RAB4B: variants seen among roughly 807,000 people sequenced by gnomAD.
The protein encoded by RAB4B is ras-related protein Rab-4B.
Under a neutral mutation model 28.3 loss-of-function variants are expected in RAB4B, and 15 were observed. That is an observed-to-expected ratio of 0.53 (90% CI 0.35 to 0.82). The LOEUF is 0.82. Ranked by LOEUF, RAB4B falls within the 40% of genes least tolerant of loss-of-function variation. The pLI, the probability that RAB4B is intolerant of heterozygous loss-of-function variation, is 0.01. For missense variants in RAB4B, 244 were observed against 288.5 expected (o/e 0.85, Z 1.12); for synonymous variants, 108 against 116.3 (o/e 0.93, Z 0.46).
chr19:40,781,657 T>C (rs1297340872), intron 3 of RAB4B, among the ~76,000 whole-genome samples: 1 of 150,352 alleles, frequency 6.7e-6, no homozygotes. Flanking sequence ...GAGAGAGAAA[T>C]GCGTAGGGCT....
intron 3 of RAB4B, among the ~76,000 whole-genome samples, chr19:40,782,454 G>T (rs1307318793): frequency 6.6e-6 from 1 of 152,174 alleles, no homozygotes; most frequent in South Asian, 2.1e-4. Context: ...AAATGCATGG[G>T]AAGGCAAAGG....
chr19:40,783,495 G>A (rs540276076), intron 3 of RAB4B, among the ~76,000 whole-genome samples: 3 of 152,194 alleles, frequency 2.0e-5, no homozygotes, highest in Admixed American at 6.5e-5. Flanking sequence ...AAAAACAGAC[G>A]AATGGAAAGA....
At chr19:40,782,976 A>G (rs1230579356) in intron 3 of RAB4B, among the ~76,000 whole-genome samples, 2 of 151,976 alleles carry the variant, frequency 1.3e-5, no homozygotes, top group African/African-American at 4.8e-5. Flanking sequence ...CATCTCTACT[A>G]AAAATACAAA....
intron 5 of RAB4B, among the ~76,000 whole-genome samples, chr19:40,784,661 G>A (rs1001691188): frequency 1.3e-5 from 2 of 152,150 alleles, no homozygotes; most frequent in African/African-American, 4.8e-5. Flanking sequence ...CTTAGCACCC[G>A]CCACAGAGTG....
Position 40,781,288 on chromosome 19 carries a change from GAATA to G in RAB4B, c.212+809_212+812del, listed in dbSNP as rs145590550. ...GGTGACAGAGCGAGACTCTGTCTCT[GAATA>G]AATAAATAAATAAATAAATGAATAA... On this transcript the variant is annotated intron_variant, in intron 3 of 7. Transcript: ENST00000357052. Among the ~76,000 whole-genome samples, 598 of 147,620 alleles carry G rather than the reference GAATA, an allele frequency of 4.1e-3. 2 individuals are homozygous for G. Among genetic ancestry groups the G allele is most frequent in the African/African-American group, 0.011 (430 of 39,600 alleles).
At chr19:40,784,231 C>A (rs984080357) in intron 5 of RAB4B, among the ~76,000 whole-genome samples, 156 bp downstream of exon 5, 1 of 152,142 alleles carries the variant, frequency 6.6e-6, no homozygotes, top group African/African-American at 2.4e-5. Context: ...GTGGCTCACA[C>A]CTGTAATCCC....
chr19:40,790,252 G>A (rs2145058427), intron 7 of RAB4B, among the ~76,000 whole-genome samples: 1 of 152,256 alleles, frequency 6.6e-6, no homozygotes, highest in South Asian at 2.1e-4. Flanking sequence ...GTCCAGGGAA[G>A]ATGGTGGAGG....
intron 7 of RAB4B, among the ~76,000 whole-genome samples, chr19:40,787,688 G>T (rs1331823012): frequency 1.3e-5 from 2 of 151,310 alleles, no homozygotes; most frequent in Non-Finnish European, 2.9e-5. Flanking sequence ...GAGGCAGAGG[G>T]GTCAGGTGGG....
intron 3 of RAB4B, among the ~76,000 whole-genome samples, chr19:40,781,370 CAG>C (rs1464392195): frequency 1.3e-5 from 2 of 151,124 alleles, no homozygotes; most frequent in Non-Finnish European, 3.0e-5. Flanking sequence ...CACAGAGAAA[CAG>C]AGGTCAGAGG....
At chr19:40,782,448 G>A (rs181880115) in intron 3 of RAB4B, among the ~76,000 whole-genome samples, 11 of 152,316 alleles carry the variant, frequency 7.2e-5, no homozygotes, top group East Asian at 1.9e-4. Flanking sequence ...ATGCACAAAT[G>A]CATGGGAAGG....
chr19:40,778,475 C>A (rs2083016193), intron 1 of RAB4B, 84 bp downstream of exon 1: 4 of 1,317,074 alleles, frequency 3.0e-6, no homozygotes, highest in African/African-American at 1.5e-5. Flanking sequence ...CTTTGTAGAT[C>A]AGGGGGCGGG....
intron 3 of RAB4B, among the ~76,000 whole-genome samples, chr19:40,781,700 A>G (rs17726258): frequency 0.051 from 7,765 of 152,248 alleles, 226 homozygotes; most frequent in East Asian, 0.17. Context: ...AAATGCCTGC[A>G]GAGCAGAAAA....
intron 7 of RAB4B, among the ~76,000 whole-genome samples, chr19:40,788,028 A>G (rs570776584): frequency 6.8e-6 from 1 of 146,052 alleles, no homozygotes; most frequent in East Asian, 2.1e-4. Context: ...CTGCAGCCCC[A>G]GGCCAGCTTC....
intron 1 of RAB4B, chr19:40,779,765 A>G: frequency 1.1e-6 from 1 of 894,950 alleles, no homozygotes; most frequent in South Asian, 2.6e-5. Flanking sequence ...AAACAACGAC[A>G]AAAAAACCCC....
intron 7 of RAB4B, among the ~76,000 whole-genome samples, chr19:40,795,498 C>G (rs1343724909): frequency 1.3e-5 from 2 of 151,564 alleles, no homozygotes; most frequent in African/African-American, 2.4e-5. Context: ...CTCCTGGGTT[C>G]AAGTGATTCT....
intron 7 of RAB4B, among the ~76,000 whole-genome samples, chr19:40,789,539 CTG>C (rs2145057068): frequency 7.5e-6 from 1 of 132,712 alleles, no homozygotes; most frequent in Admixed American, 7.5e-5. Context: ...GAGTCTCACT[CTG>C]TCGCCATGCT....
Position 40,784,040 on chromosome 19 carries a change from C to A in RAB4B, c.395C>A (p.Thr132Asn). Reference protein sequence around the residue: ...KKDLDPEREVTFLEASRFAQE... With the variant: ...KKDLDPEREVNFLEASRFAQE... ...GACCTGGACCCTGAGCGGGAGGTCA[C>A]TTTCCTGGAGGCCTCCCGCTTTGCC... Residue 132 changes from threonine (T) to asparagine (N), a missense_variant, in exon 5 of 8, where the codon ACT (threonine) becomes AAT (asparagine). Coordinates refer to ENST00000357052, the MANE Select transcript of RAB4B (RefSeq NM_016154.5). The A allele has an allele frequency of 3.1e-6, 5 of 1,613,814 alleles. No homozygotes were observed. The highest frequency in any genetic ancestry group is 3.4e-6 in the Non-Finnish European group (4 of 1,179,746).
chr19:40,787,031 G>T, intron 7 of RAB4B, 53 bp downstream of exon 7: 1 of 1,431,402 alleles, frequency 7.0e-7, no homozygotes, highest in Non-Finnish European at 9.7e-7. Flanking sequence ...GCATGGGGGA[G>T]ATGGTGTGGA....
At chr19:40,782,899 G>A (rs1263606097) in intron 3 of RAB4B, among the ~76,000 whole-genome samples, 1 of 152,052 alleles carries the variant, frequency 6.6e-6, no homozygotes, top group Non-Finnish European at 1.5e-5. Flanking sequence ...AACACTTTGG[G>A]AGGCCAAGGT....
Sources: gnomAD v4.1 joint callset for allele counts (sites outside exome capture counted in the v4.1 genomes callset) on GRCh38, gnomAD v4.1.1 for gene constraint, MANE v1.5 for transcripts, NCBI Gene and HGNC (gene_info 2026-07-23, HGNC 2026-07-21) for gene names.